The following DHX8 variants were observed in gnomAD, a reference collection of about 807,000 sequenced individuals.
The protein encoded by DHX8 is DEAH-box helicase 8.
In DHX8, 67 loss-of-function variants were observed where a neutral mutation model predicts 140.7. That is an observed-to-expected ratio of 0.48 (90% CI 0.39 to 0.58). DHX8 has a LOEUF of 0.58. DHX8 is among the 20% of genes least tolerant of loss of function. The pLI is 0.00. For missense variants in DHX8, 887 were observed against 1,550.7 expected (o/e 0.57, Z 7.19); for synonymous variants, 533 against 553.2 (o/e 0.96, Z 0.51).
chr17:43,533,318 G>C (rs1476756552), intron 2 of DHX8: 3 of 1,613,864 alleles, frequency 1.9e-6, no homozygotes, highest in Middle Eastern at 1.7e-4. Flanking sequence ...CAGGGGACTT[G>C]ATGGCGATTT....
chr17:43,508,382 T>A lies in DHX8; in HGVS notation c.2364T>A (p.Thr788=), dbSNP rs780420790. 6.2e-7 allele frequency: 1 copy of A among 1,612,324 alleles called. No individual in the cohort carries two copies. Residue 788 remains threonine, a synonymous_variant, in exon 16 of 23, where the codon ACT becomes ACA. Transcript: ENST00000262415. ...VFLTGQEEID[T]ACEILYERMK... is the part of the protein sequence containing the mutation. ...TGACTGGTCAGGAAGAAATTGATACTGCTTGTGAGATCCTGTATGAAAGAA... is the reference window on the plus strand; with the variant it reads ...TGACTGGTCAGGAAGAAATTGATACAGCTTGTGAGATCCTGTATGAAAGAA...
chr17:43,508,500 G>C lies in DHX8; in HGVS notation c.2482G>C (p.Ala828Pro). The change falls in exon 16 of 23, where the codon GCT becomes CCT. Residue 828 changes from alanine to proline, a missense_variant. Transcript: ENST00000262415. ...GATGCAGACCCGAATCTTTGACCCA[G>C]CTCCACCAGGCAGCAGAAAGGTAAC... is the stretch of plus-strand genomic sequence containing the variant. ...SEMQTRIFDP[A>P]PPGSRKVVIA... 1.7e-5 allele frequency: 28 copies of C among 1,612,158 alleles called. No individual in the cohort carries two copies. The highest frequency in any genetic ancestry group is 2.4e-5 in the Non-Finnish European group (28 of 1,179,282).
chr17:43,534,426 G>A (rs149266798), intron 2 of DHX8, among the ~76,000 whole-genome samples: 4,190 of 152,018 alleles, frequency 0.028, 89 homozygotes, highest in Non-Finnish European at 0.042. Context: ...CCCAGGAGGC[G>A]GGGATTGCAG....
intron 17 of DHX8, among the ~76,000 whole-genome samples, chr17:43,516,681 T>A (rs1970129444): frequency 6.6e-6 from 1 of 152,156 alleles, no homozygotes; most frequent in African/African-American, 2.4e-5. Flanking sequence ...ACTCCTGGGC[T>A]CATGCAATCT....
chr17:43,536,503 G>C (rs1326243990), intron 3 of DHX8: 2 of 1,613,156 alleles, frequency 1.2e-6, no homozygotes, highest in Non-Finnish European at 8.5e-7. Flanking sequence ...TCAGAGGTGA[G>C]TTTGGGGCGG....
At chr17:43,510,157 T>G (rs2154586686) in intron 16 of DHX8, among the ~76,000 whole-genome samples, 1 of 151,714 alleles carries the variant, frequency 6.6e-6, no homozygotes, top group East Asian at 2.0e-4. Context: ...CAAGTGATTC[T>G]CCTGCCTCAG....
At chr17:43,526,047 C>G, downstream of DHX8, 1 of 985,416 alleles carries the variant, frequency 1.0e-6, no homozygotes. Context: ...GGTCACTTCT[C>G]TGCTATGACA....
chr17:43,493,641 G>T (rs1968674367), intron 7 of DHX8, 42 bp from the exon 8 acceptor site: 10 of 1,614,190 alleles, frequency 6.2e-6, no homozygotes, highest in Non-Finnish European at 8.5e-6. Flanking sequence ...GGGAATGGAA[G>T]AGGACAGCAA....
exon 3 of DHX8, chr17:43,536,471 G>A (rs1464611508): frequency 6.2e-7 from 1 of 1,614,078 alleles, no homozygotes; most frequent in Non-Finnish European, 8.5e-7. Flanking sequence ...TCACTGTCTG[G>A]TACCTGAGCT....
chr17:43,492,087 C>T, intron 4 of DHX8, 96 bp from the exon 5 acceptor site: 1 of 827,412 alleles, frequency 1.2e-6, no homozygotes, highest in Non-Finnish European at 2.1e-6. Context: ...TTCTATTTCC[C>T]TCACATAGTG....
At position 43,493,535 on chromosome 17, in the gene DHX8, G is replaced by T. The variant is rs1968668084; in HGVS notation, c.954G>T (p.Arg318Ser). 6 of 1,614,148 alleles carry T rather than the reference G, an allele frequency of 3.7e-6. No individual in the cohort carries two copies. Among genetic ancestry groups the T allele is most frequent in the Middle Eastern group, 1.7e-4 (1 of 6,060 alleles). ...CTGATGTCGTGAGCAAAGGCCAGAGGGTCAAAGTCAAAGTGCTGTCCTTCA... is the reference window on the plus strand; with the variant it reads ...CTGATGTCGTGAGCAAAGGCCAGAGTGTCAAAGTCAAAGTGCTGTCCTTCA... ...NVADVVSKGQ[R>S]VKVKVLSFTG... Residue 318 changes from arginine (R) to serine (S), a missense_variant, in exon 7 of 23, where the codon AGG becomes AGT. Physicochemically the swap from Arg to Ser is moderately radical, Grantham distance 110. Around this residue, in one of 9 missense-constraint regions of DHX8, gnomAD observed 98 missense variants for 152.7 expected, o/e 0.64. Coordinates refer to ENST00000262415, the MANE Select transcript of DHX8 (RefSeq NM_004941.3).
Position 43,483,984 on chromosome 17 carries a change from G to C in DHX8, c.-54G>C. ...CGGAAGTGAAAGCTGGAACCCGGCC[G>C]GAGTAGCTCTGAGCGCCGGCTGTGA... On this transcript the variant is annotated 5_prime_UTR_variant, in exon 1 of 23. Coordinates refer to ENST00000262415, the MANE Select transcript of DHX8 (RefSeq NM_004941.3). The C allele has an allele frequency of 1.9e-6, 3 of 1,594,514 alleles. No individual in the cohort carries two copies. In the South Asian group the frequency reaches 3.4e-5, roughly 18 times the overall value.
At chr17:43,501,708 C>T (rs994049094) in intron 11 of DHX8, among the ~76,000 whole-genome samples, 2 of 147,282 alleles carry the variant, frequency 1.4e-5, no homozygotes, top group African/African-American at 5.0e-5. Context: ...TGGTCTCGAA[C>T]TCGCGACCTC....
chr17:43,503,644 C>T (rs1969335992), intron 11 of DHX8, among the ~76,000 whole-genome samples: 1 of 152,120 alleles, frequency 6.6e-6, no homozygotes, highest in Non-Finnish European at 1.5e-5. Context: ...GCCTGCTGGG[C>T]GTCTGAGCCA....
At chr17:43,533,854 C>T in intron 2 of DHX8, 1 of 1,607,464 alleles carries the variant, frequency 6.2e-7, no homozygotes, top group Non-Finnish European at 8.5e-7. Context: ...CAGGCTGGGG[C>T]TCACCTGGAG....
At chr17:43,511,456 A>ATTTTTCTTTTTTTTTTTTTT (rs1969822788) in intron 16 of DHX8, among the ~76,000 whole-genome samples, 1 of 56,790 alleles carries the variant, frequency 1.8e-5, no homozygotes, top group Non-Finnish European at 2.9e-5. Flanking sequence ...TGATCCCAGC[A>ATTTTTCTTTTTTTTTTTTTT]TTTTTTTTTT....
intron 12 of DHX8, 28 bp from the exon 13 acceptor site, chr17:43,506,975 G>A: frequency 6.6e-7 from 1 of 1,510,460 alleles, no homozygotes; most frequent in Non-Finnish European, 8.9e-7. Flanking sequence ...AGATTTTAAT[G>A]ACCATATTTA....
Position 43,493,877 on chromosome 17 carries a change from G to A in DHX8, c.1203G>A (p.Glu401=). 1 of 1,614,222 alleles carries A rather than the reference G, an allele frequency of 6.2e-7. No homozygotes were observed. Among genetic ancestry groups the A allele is most frequent in the Non-Finnish European group, 8.5e-7 (1 of 1,180,034 alleles). The part of the protein sequence containing the change: ...LTRISDPEKW[E]IKQMIAANVL... ...GAATCTCTGACCCAGAGAAGTGGGA[G>A]ATCAAACAGGTTGGGGCCTTTAGTT... Residue 401 remains glutamate, a synonymous_variant, in exon 8 of 23, where the codon GAG becomes GAA. Coordinates refer to ENST00000262415, the MANE Select transcript of DHX8 (RefSeq NM_004941.3).
At chr17:43,530,182 C>A (rs1423388097), downstream of DHX8, 54 of 1,554,286 alleles carry the variant, frequency 3.5e-5, no homozygotes, top group Admixed American at 1.1e-3. Flanking sequence ...CCGGTGACAT[C>A]TGTGGGGGAA....
Sources: gnomAD v4.1 joint callset for allele counts (sites outside exome capture counted in the v4.1 genomes callset) on GRCh38, gnomAD v4.1.1 for gene constraint, gnomAD v4.1.1 regional missense constraint, MANE v1.5 for transcripts, NCBI Gene and HGNC (gene_info 2026-07-23, HGNC 2026-07-21) for gene names.